Variants in ATP6V0D2 observed in about 807,000 individuals in gnomAD.
ATP6V0D2 encodes the protein V-type proton ATPase subunit d 2.
A neutral mutation model predicts 40.0 loss-of-function variants in ATP6V0D2; 40 were observed. The observed-to-expected ratio is 1.00, with a 90% CI of 0.78 to 1.30. The LOEUF (loss-of-function observed/expected upper bound fraction) is 1.30. Ranked by LOEUF, ATP6V0D2 falls within the 50% of genes most tolerant of loss-of-function variation. The pLI is 0.00. For missense variants in ATP6V0D2, 470 were observed against 423.1 expected (o/e 1.11, Z -0.97); for synonymous variants, 179 against 156.3 (o/e 1.15, Z -1.08).
At chr8:86,139,780 G>A in intron 3 of ATP6V0D2, 145 bp downstream of exon 3, 1 of 789,182 alleles carries the variant, frequency 1.3e-6, no homozygotes, top group Non-Finnish European at 1.9e-6. Context: ...AGCATACCAT[G>A]CAGATTCCTG....
chr8:86,126,224 A>T (rs1466242529), intron 2 of ATP6V0D2, among the ~76,000 whole-genome samples: 1 of 138,566 alleles, frequency 7.2e-6, no homozygotes, highest in Non-Finnish European at 1.6e-5. Flanking sequence ...GGCGTGAACT[A>T]CCGTGCTCAG....
chr8:86,136,640 G>A (rs948946827), intron 2 of ATP6V0D2, among the ~76,000 whole-genome samples: 1 of 151,990 alleles, frequency 6.6e-6, no homozygotes. Context: ...TTTTATAAAG[G>A]GATAATTGCC....
At chr8:86,119,686 T>A (rs1299113283) in intron 2 of ATP6V0D2, among the ~76,000 whole-genome samples, 1 of 152,204 alleles carries the variant, frequency 6.6e-6, no homozygotes, top group East Asian at 1.9e-4. Context: ...GCAGTATTTT[T>A]AAAAATTATG....
chr8:86,122,235 A>C (rs73261127), intron 2 of ATP6V0D2, among the ~76,000 whole-genome samples: 3,285 of 152,278 alleles, frequency 0.022, 113 homozygotes, highest in African/African-American at 0.075. Flanking sequence ...AAAATTTCTG[A>C]GTAGAGGATG....
chr8:86,153,040 A>G lies in ATP6V0D2; in HGVS notation c.*63A>G. On this transcript the variant is annotated 3_prime_UTR_variant, in exon 8 of 8. Transcript: ENST00000285393. Reference sequence around the variant, plus strand: ...TTAAAAGGAAGTTATTGAAGAAAATAAAAGAAATTATGTTATATTATCTAG... The same window carrying G: ...TTAAAAGGAAGTTATTGAAGAAAATGAAAGAAATTATGTTATATTATCTAG... 1 of 1,387,076 alleles carries G rather than the reference A, an allele frequency of 7.2e-7. No individual in the cohort carries two copies. 85.9% of individuals were successfully genotyped at this position (1,387,076 alleles called of 1,614,324 possible).
At chr8:86,115,357 CATTTTTTTT>C (rs1563557363) in intron 2 of ATP6V0D2, among the ~76,000 whole-genome samples, 1 of 79,502 alleles carries the variant, frequency 1.3e-5, no homozygotes, top group Non-Finnish European at 2.3e-5. Flanking sequence ...CCGTATCATC[CATTTTTTTT>C]TTTTTTTTTT....
Position 86,113,695 on chromosome 8 carries a change from T to G in ATP6V0D2, c.131-14T>G. On this transcript the variant is annotated splice_polypyrimidine_tract_variant and intron_variant, in intron 1 of 7. Transcript: ENST00000285393. ...TCAAAATTTAACCTGAATTGGGGTT[T>G]CATTTAATTTCAGACCTGAAAATTC... 6.3e-7 allele frequency: 1 copy of G among 1,580,688 alleles called. No individual in the cohort carries two copies.
At chr8:86,126,108 C>T (rs10101407) in intron 2 of ATP6V0D2, among the ~76,000 whole-genome samples, 92,143 of 148,002 alleles carry the variant, frequency 0.62, 29,546 homozygotes, top group Non-Finnish European at 0.71. Flanking sequence ...CAGCTAATTT[C>T]TGTATTTTTA....
chr8:86,113,582 A>G (rs2130238621), intron 1 of ATP6V0D2, 127 bp from the exon 2 acceptor site: 2 of 761,818 alleles, frequency 2.6e-6, no homozygotes, highest in East Asian at 2.8e-5. Flanking sequence ...TTTAGACCTT[A>G]TATTAAAATC....
intron 1 of ATP6V0D2, among the ~76,000 whole-genome samples, chr8:86,103,621 G>A (rs929496752): frequency 1.3e-5 from 2 of 152,084 alleles, no homozygotes; most frequent in Non-Finnish European, 2.9e-5. Context: ...AAGTAAAGAT[G>A]AACAAGATAG....
chr8:86,099,146 A>AG, intron 1 of ATP6V0D2, 38 bp downstream of exon 1: 1 of 1,557,400 alleles, frequency 6.4e-7, no homozygotes, highest in Admixed American at 2.1e-5. Flanking sequence ...AAAGAAAAAA[A>AG]AAAAAATGAA....
intron 2 of ATP6V0D2, among the ~76,000 whole-genome samples, chr8:86,131,115 C>T (rs1036542194): frequency 6.6e-6 from 1 of 152,096 alleles, no homozygotes; most frequent in East Asian, 1.9e-4. Context: ...CATTAACACA[C>T]AAGCCCAAAA....
At chr8:86,144,938 T>A (rs1477707250) in intron 5 of ATP6V0D2, among the ~76,000 whole-genome samples, 2 of 150,258 alleles carry the variant, frequency 1.3e-5, no homozygotes, top group Non-Finnish European at 3.0e-5. Context: ...GGTGAGCACC[T>A]GAGGTTGGGA....
intron 2 of ATP6V0D2, among the ~76,000 whole-genome samples, chr8:86,120,391 C>T (rs544969015): frequency 1.6e-4 from 24 of 151,696 alleles, no homozygotes; most frequent in African/African-American, 5.6e-4. Flanking sequence ...AGAGTGAGAC[C>T]CTGTCTCAAA....
intron 1 of ATP6V0D2, among the ~76,000 whole-genome samples, chr8:86,109,667 TGGTG>T (rs1818508256): frequency 6.6e-6 from 1 of 152,226 alleles, no homozygotes; most frequent in African/African-American, 2.4e-5. Context: ...AAATATTCCT[TGGTG>T]CTGAGAATTC....
rs190080909 is a variant in ATP6V0D2, at chr8:86,115,616, C to T, written c.302+1736C>T. ...AGCTTCCAACCGCAGGTAATCCTCCCGCCTCAGCCTCCCAAAGTGCTGGGA... is the reference window on the plus strand; with the variant it reads ...AGCTTCCAACCGCAGGTAATCCTCCTGCCTCAGCCTCCCAAAGTGCTGGGA... On this transcript the variant is annotated intron_variant, in intron 2 of 7. Transcript: ENST00000285393. Among the ~76,000 whole-genome samples, 72 of 151,876 alleles carry T rather than the reference C, an allele frequency of 4.7e-4. No homozygotes were observed. The East Asian group carries it at 9.2e-3, about 19-fold the overall frequency.
At chr8:86,138,426 T>C (rs1203257548) in intron 2 of ATP6V0D2, among the ~76,000 whole-genome samples, 1 of 152,220 alleles carries the variant, frequency 6.6e-6, no homozygotes, top group Admixed American at 6.5e-5. Flanking sequence ...CTGTATTCTT[T>C]GTAAAGGAAG....
chr8:86,113,558 A>G, intron 1 of ATP6V0D2, 151 bp from the exon 2 acceptor site: 1 of 594,598 alleles, frequency 1.7e-6, no homozygotes, highest in South Asian at 2.9e-5. Flanking sequence ...TTTACAGATC[A>G]AGTCTAAATC....
intron 3 of ATP6V0D2, among the ~76,000 whole-genome samples, chr8:86,140,389 G>A (rs536115095): frequency 6.6e-6 from 1 of 152,094 alleles, no homozygotes; most frequent in Non-Finnish European, 1.5e-5. Context: ...TAGGCTGATC[G>A]AGAGAGGTTG....
Sources: allele counts gnomAD v4.1 joint callset (sites outside exome capture counted in the v4.1 genomes callset), GRCh38; gene constraint gnomAD v4.1.1; transcripts MANE v1.5; gene names NCBI Gene and HGNC (gene_info 2026-07-23, HGNC 2026-07-21).